Variants in MAP3K7CL observed in about 807,000 individuals in gnomAD.
MAP3K7CL encodes MAP3K7 C-terminal-like protein.
Under a neutral mutation model 18.6 loss-of-function variants are expected in MAP3K7CL, and 16 were observed. That is an observed-to-expected ratio of 0.86 (90% CI 0.58 to 1.31). The LOEUF is 1.31. Ranked by LOEUF, MAP3K7CL falls within the 50% of genes most tolerant of loss-of-function variation. MAP3K7CL has a pLI of 0.00. For synonymous variants in MAP3K7CL, 65 were observed against 66.8 expected, an observed-to-expected ratio of 0.97 and a Z score of 0.13; for missense variants, 163 against 174.4, an observed-to-expected ratio of 0.93 and a Z score of 0.37.
At chr21:29,120,543 G>A (rs1282905006) in intron 4 of MAP3K7CL, among the ~76,000 whole-genome samples, 2 of 152,122 alleles carry the variant, frequency 1.3e-5, no homozygotes, top group African/African-American at 4.8e-5. Flanking sequence ...GAGTGTCTGG[G>A]ACATAGTATT....
intron 1 of MAP3K7CL, among the ~76,000 whole-genome samples, chr21:29,089,608 T>G (rs1368003884): frequency 1.3e-5 from 2 of 152,206 alleles, no homozygotes; most frequent in South Asian, 2.1e-4. Flanking sequence ...GTGGCCTTAT[T>G]ATTTCTTTAC....
intron 4 of MAP3K7CL, among the ~76,000 whole-genome samples, chr21:29,101,173 A>G (rs1008304818): frequency 2.6e-5 from 4 of 152,156 alleles, no homozygotes; most frequent in Non-Finnish European, 5.9e-5. Flanking sequence ...CCTCAGGCTC[A>G]GCATCTACTA....
chr21:29,088,277 T>C (rs542173646), intron 1 of MAP3K7CL, among the ~76,000 whole-genome samples: 2 of 152,364 alleles, frequency 1.3e-5, no homozygotes, highest in East Asian at 3.9e-4. Context: ...TTAAAAAGTT[T>C]AAATGTAACC....
chr21:29,137,226 C>G (rs1033193311), intron 2 of MAP3K7CL, among the ~76,000 whole-genome samples: 1 of 152,208 alleles, frequency 6.6e-6, no homozygotes, highest in Non-Finnish European at 1.5e-5. Context: ...TATAGCATTA[C>G]TGACCTGCAG....
intron 4 of MAP3K7CL, among the ~76,000 whole-genome samples, chr21:29,116,314 T>C (rs1002978701): frequency 6.6e-6 from 1 of 152,230 alleles, no homozygotes; most frequent in African/African-American, 2.4e-5. Flanking sequence ...TAGCAACACG[T>C]GAAGAAAACT....
At chr21:29,126,711 G>A (rs749523520), upstream of MAP3K7CL, among the ~76,000 whole-genome samples, 2 of 151,940 alleles carry the variant, frequency 1.3e-5, no homozygotes, top group Non-Finnish European at 2.9e-5. Context: ...CGCCTGCCTC[G>A]GCCTCCCAAA....
At chr21:29,164,270 CTT>C (rs1231592148) in intron 4 of MAP3K7CL, among the ~76,000 whole-genome samples, 2 of 152,136 alleles carry the variant, frequency 1.3e-5, no homozygotes, top group African/African-American at 4.8e-5. Context: ...CCCAAACAGT[CTT>C]TATTTTCAAG....
intron 1 of MAP3K7CL, among the ~76,000 whole-genome samples, chr21:29,078,690 A>G (rs1336535568): frequency 6.6e-6 from 1 of 152,154 alleles, no homozygotes; most frequent in Admixed American, 6.5e-5. Flanking sequence ...GAGTAAGACT[A>G]AACAATACTC....
intron 1 of MAP3K7CL, among the ~76,000 whole-genome samples, chr21:29,132,773 G>C (rs1231052928): frequency 6.6e-6 from 1 of 152,116 alleles, no homozygotes; most frequent in Non-Finnish European, 1.5e-5. Context: ...GCCTCCCAAA[G>C]TGTTGGGGTT....
chr21:29,170,815 T>C (rs2087808247), intron 4 of MAP3K7CL, among the ~76,000 whole-genome samples: 1 of 151,948 alleles, frequency 6.6e-6, no homozygotes, highest in Non-Finnish European at 1.5e-5. Context: ...ATTTTTGTAT[T>C]TTCGGTAGAT....
chr21:29,087,129 A>C (rs966967506), intron 1 of MAP3K7CL, among the ~76,000 whole-genome samples: 2 of 151,924 alleles, frequency 1.3e-5, no homozygotes, highest in African/African-American at 4.8e-5. Context: ...GGACTTTTTC[A>C]CCAGCTTTTC....
chr21:29,136,083 T>A (rs1259616008), intron 2 of MAP3K7CL, among the ~76,000 whole-genome samples: 5 of 152,104 alleles, frequency 3.3e-5, no homozygotes, highest in Non-Finnish European at 7.4e-5. Flanking sequence ...CCATTATTGT[T>A]GTAAGAAGAA....
intron 3 of MAP3K7CL, among the ~76,000 whole-genome samples, chr21:29,149,880 A>T (rs1306831709): frequency 1.3e-5 from 2 of 152,202 alleles, no homozygotes; most frequent in Non-Finnish European, 2.9e-5. Context: ...TGGTGATTCC[A>T]GGCAAAAATG....
At chr21:29,123,281 C>T (rs1315262975) in intron 4 of MAP3K7CL, among the ~76,000 whole-genome samples, 1 of 152,070 alleles carries the variant, frequency 6.6e-6, no homozygotes, top group Admixed American at 6.5e-5. Flanking sequence ...TCAGGCTGAT[C>T]TCAAATTCCT....
chr21:29,090,191 T>A (rs1370351484), intron 1 of MAP3K7CL, among the ~76,000 whole-genome samples: 1 of 152,162 alleles, frequency 6.6e-6, no homozygotes, highest in South Asian at 2.1e-4. Flanking sequence ...GGGTGCACTT[T>A]CCTTATTTTT....
intron 1 of MAP3K7CL, chr21:29,086,017 G>A (rs2085919611): frequency 1.5e-6 from 2 of 1,344,698 alleles, no homozygotes; most frequent in Admixed American, 3.4e-5. Flanking sequence ...GAAGCAGAGA[G>A]AAATGGACCT....
exon 1 of MAP3K7CL, chr21:29,085,878 A>T (rs1369885614): frequency 1.9e-6 from 3 of 1,614,040 alleles, no homozygotes; most frequent in African/African-American, 1.3e-5. Flanking sequence ...AGCTGATTGC[A>T]CCTTTAGAAG....
intron 3 of MAP3K7CL, among the ~76,000 whole-genome samples, chr21:29,156,683 TACATGGAACAACACATC>T (rs1468807533): frequency 2.0e-5 from 3 of 152,092 alleles, no homozygotes; most frequent in Non-Finnish European, 4.4e-5. Flanking sequence ...TATTCCATCC[TACATGGAACAACACATC>T]ACATTATTCT....
At chr21:29,168,574 G>T (rs893968067) in intron 4 of MAP3K7CL, among the ~76,000 whole-genome samples, 1 of 152,188 alleles carries the variant, frequency 6.6e-6, no homozygotes, top group African/African-American at 2.4e-5. Context: ...CAATCACAAT[G>T]ATTTGGGTAT....
Sources: allele counts gnomAD v4.1 joint callset (sites outside exome capture counted in the v4.1 genomes callset), GRCh38; gene constraint gnomAD v4.1.1; transcripts MANE v1.5; gene names NCBI Gene and HGNC (gene_info 2026-07-23, HGNC 2026-07-21).